CTNNA2: variants seen among roughly 807,000 people sequenced by gnomAD.
The protein encoded by CTNNA2 is catenin alpha-2.
Under a neutral mutation model 101.0 loss-of-function variants are expected in CTNNA2, and 42 were observed. The ratio of observed to expected loss-of-function variants is 0.42; its 90% CI spans 0.32 to 0.54. CTNNA2 has a LOEUF of 0.54. Among genes scored for constraint, CTNNA2 ranks in the 20% least tolerant of loss-of-function variants. The pLI is 0.14. For missense variants in CTNNA2, 871 were observed against 1,223.1 expected (o/e 0.71, Z 4.29); for synonymous variants, 450 against 456.4 (o/e 0.99, Z 0.18).
upstream of CTNNA2, among the ~76,000 whole-genome samples, chr2:79,512,750 G>T (rs1406089772): frequency 6.6e-6 from 1 of 151,340 alleles, no homozygotes. Flanking sequence ...CGAGCCTGCC[G>T]CGCCTCCAGA....
At chr2:79,967,403 C>G (rs924626356) in intron 7 of CTNNA2, among the ~76,000 whole-genome samples, 1 of 152,172 alleles carries the variant, frequency 6.6e-6, no homozygotes, top group African/African-American at 2.4e-5. Context: ...TCAATCTCTA[C>G]AGGCTCACTA....
At chr2:79,959,856 C>A (rs555181253) in intron 7 of CTNNA2, among the ~76,000 whole-genome samples, 2 of 152,280 alleles carry the variant, frequency 1.3e-5, no homozygotes, top group African/African-American at 4.8e-5. Flanking sequence ...ATGGTACTTA[C>A]TATGTTATAT....
At chr2:79,879,771 A>T (rs959055045) in intron 6 of CTNNA2, among the ~76,000 whole-genome samples, 3 of 152,044 alleles carry the variant, frequency 2.0e-5, no homozygotes, top group Non-Finnish European at 4.4e-5. Flanking sequence ...CAAACAGAGA[A>T]AATTTGACTT....
intron 7 of CTNNA2, among the ~76,000 whole-genome samples, chr2:80,024,755 ATC>A: frequency 6.6e-6 from 1 of 151,680 alleles, no homozygotes; most frequent in East Asian, 1.9e-4. Flanking sequence ...GTATGTTACA[ATC>A]AGTGCTCCTT....
chr2:79,931,421 G>C (rs543406973), intron 7 of CTNNA2, among the ~76,000 whole-genome samples: 1 of 151,994 alleles, frequency 6.6e-6, no homozygotes, highest in South Asian at 2.1e-4. Flanking sequence ...CTATGCTTCT[G>C]TGACTTTTTT....
At chr2:80,568,842 C>A (rs1397476257) in intron 12 of CTNNA2, among the ~76,000 whole-genome samples, 2 of 152,090 alleles carry the variant, frequency 1.3e-5, no homozygotes, top group Non-Finnish European at 2.9e-5. Context: ...CTAACTGGAA[C>A]ATTTGAGAAT....
chr2:79,421,113 G>A (rs767159198), intron 4 of CTNNA2, among the ~76,000 whole-genome samples: 9 of 152,130 alleles, frequency 5.9e-5, no homozygotes, highest in Non-Finnish European at 8.8e-5. Context: ...AAGGAGGGTA[G>A]GTTTCCTCTC....
At chr2:80,089,545 C>T (rs1163856691) in intron 7 of CTNNA2, among the ~76,000 whole-genome samples, 4 of 151,454 alleles carry the variant, frequency 2.6e-5, no homozygotes, top group Admixed American at 6.6e-5. Flanking sequence ...TTTATTTTAA[C>T]GGTTTCACTT....
intron 3 of CTNNA2, among the ~76,000 whole-genome samples, chr2:79,325,446 G>T (rs1558626982): frequency 6.6e-6 from 1 of 152,062 alleles, no homozygotes; most frequent in Admixed American, 6.6e-5. Flanking sequence ...TAGCATTTCG[G>T]GATTTCTTCA....
chr2:79,361,993 A>C (rs1367152738), intron 3 of CTNNA2, among the ~76,000 whole-genome samples: 1 of 152,300 alleles, frequency 6.6e-6, no homozygotes, highest in East Asian at 1.9e-4. Flanking sequence ...AATACTTTGC[A>C]TCCTTCAGTC....
intron 3 of CTNNA2, among the ~76,000 whole-genome samples, chr2:79,827,334 G>A (rs72916644): frequency 0.024 from 3,642 of 152,154 alleles, 179 homozygotes; most frequent in African/African-American, 0.083. Context: ...CACTGTGCCC[G>A]GCCAGATTGT....
intron 1 of CTNNA2, among the ~76,000 whole-genome samples, chr2:79,517,278 A>G (rs1201835733): frequency 4.6e-5 from 7 of 152,206 alleles, no homozygotes; most frequent in Admixed American, 4.6e-4. Context: ...GGATTTCCAG[A>G]AAATTTTACC....
At chr2:79,883,948 A>G (rs1420778558) in intron 6 of CTNNA2, among the ~76,000 whole-genome samples, 1 of 152,164 alleles carries the variant, frequency 6.6e-6, no homozygotes, top group Non-Finnish European at 1.5e-5. Context: ...TAAGTTTTTC[A>G]CCCAATAAAA....
At chr2:79,703,259 A>C (rs1685129497) in intron 2 of CTNNA2, among the ~76,000 whole-genome samples, 1 of 152,234 alleles carries the variant, frequency 6.6e-6, no homozygotes. Context: ...GTTGAAAAGC[A>C]GATAGGTTCA....
At chr2:79,718,275 T>G (rs552252134) in intron 2 of CTNNA2, among the ~76,000 whole-genome samples, 1 of 152,274 alleles carries the variant, frequency 6.6e-6, no homozygotes, top group Admixed American at 6.5e-5. Context: ...TCTCTTTTCT[T>G]AAAAATAAAA....
intron 1 of CTNNA2, among the ~76,000 whole-genome samples, chr2:79,603,610 G>C (rs1476034231): frequency 6.6e-6 from 1 of 152,116 alleles, no homozygotes. Flanking sequence ...ACAGGCAACT[G>C]TCATAGGAAA....
At chr2:80,292,842 T>C (rs796884598) in intron 7 of CTNNA2, among the ~76,000 whole-genome samples, 16 of 152,360 alleles carry the variant, frequency 1.1e-4, no homozygotes, top group African/African-American at 3.6e-4. Context: ...GAGTGATATG[T>C]TATGTTTAGT....
intron 4 of CTNNA2, among the ~76,000 whole-genome samples, chr2:79,463,259 T>A (rs1670898486): frequency 6.6e-6 from 1 of 151,836 alleles, no homozygotes; most frequent in African/African-American, 2.4e-5. Flanking sequence ...AATACAAAAA[T>A]TAGCCAGGTG....
intron 18 of CTNNA2, among the ~76,000 whole-genome samples, chr2:80,639,992 C>T (rs1673289769): frequency 6.6e-6 from 1 of 152,014 alleles, no homozygotes; most frequent in Non-Finnish European, 1.5e-5. Context: ...ATCCCAGCTA[C>T]TCAGGAGGCT....
Sources: allele counts gnomAD v4.1 joint callset (sites outside exome capture counted in the v4.1 genomes callset), GRCh38; gene constraint gnomAD v4.1.1; transcripts MANE v1.5; gene names NCBI Gene and HGNC (gene_info 2026-07-23, HGNC 2026-07-21).